The following SPIRE1 variants were observed in gnomAD, a reference collection of about 807,000 sequenced individuals.
SPIRE1 encodes spire type actin nucleation factor 1.
SPIRE1 carries 40 observed loss-of-function variants against 94.1 expected under a neutral mutation model. The observed-to-expected ratio is 0.43, with a 90% CI of 0.33 to 0.55. SPIRE1 has a LOEUF of 0.55. SPIRE1 is among the 20% of genes least tolerant of loss of function. The probability of loss-of-function intolerance (pLI) is 0.06; values close to 1 mark genes in which losing one functional copy is unlikely to be tolerated. For missense variants in SPIRE1, 838 were observed against 975.2 expected, an observed-to-expected ratio of 0.86 and a Z score of 1.87; for synonymous variants, 376 against 371.7, an observed-to-expected ratio of 1.01 and a Z score of -0.13.
chr18:12,608,402 T>C (rs569639715), intron 2 of SPIRE1, among the ~76,000 whole-genome samples: 1 of 152,280 alleles, frequency 6.6e-6, no homozygotes, highest in African/African-American at 2.4e-5. Context: ...ATTCTATCCG[T>C]TTGTTTCTAG....
chr18:12,622,421 C>CTT lies in SPIRE1; in HGVS notation c.372+12639_372+12640dup, dbSNP rs71371281. Among the ~76,000 whole-genome samples, 68 of 114,848 alleles carry CTT rather than the reference C, an allele frequency of 5.9e-4. 5 individuals carry two copies. Among genetic ancestry groups the CTT allele is most frequent in the African/African-American group, 1.5e-3 (49 of 32,220 alleles). The allele number at this position is 114,848 out of a possible 152,430, so 75.3% of individuals were successfully genotyped here. ...AAGGGAAAACGGAGCTATGTCCAGT[C>CTT]TTTTTTTTTTTTTTTTTTTGAGACA... is the stretch of plus-strand genomic sequence containing the variant. On this transcript the variant is annotated intron_variant, in intron 2 of 16. Coordinates refer to ENST00000409402, the MANE Select transcript of SPIRE1 (RefSeq NM_001128626.2).
intron 5 of SPIRE1, among the ~76,000 whole-genome samples, chr18:12,508,836 A>G (rs1237392474): frequency 3.9e-5 from 6 of 152,030 alleles, no homozygotes; most frequent in African/African-American, 1.2e-4. Context: ...CACTATGCCA[A>G]GCTAATTTTT....
chr18:12,536,337 C>T (rs1436250877), intron 3 of SPIRE1, among the ~76,000 whole-genome samples: 1 of 152,106 alleles, frequency 6.6e-6, no homozygotes, highest in East Asian at 1.9e-4. Flanking sequence ...CAATGTACTG[C>T]TGAATTATCC....
chr18:12,606,810 T>C (rs9948505), intron 2 of SPIRE1, among the ~76,000 whole-genome samples: 85,027 of 152,066 alleles, frequency 0.56, 24,966 homozygotes, highest in Middle Eastern at 0.76. Context: ...GGATTACAGG[T>C]GTGAGCCATC....
intron 8 of SPIRE1, among the ~76,000 whole-genome samples, chr18:12,490,267 T>C (rs2033185514): frequency 6.6e-6 from 1 of 152,122 alleles, no homozygotes; most frequent in Non-Finnish European, 1.5e-5. Context: ...CATTAGCAAC[T>C]ACATATAATT....
intron 8 of SPIRE1, among the ~76,000 whole-genome samples, chr18:12,491,655 G>A (rs925163965): frequency 6.6e-5 from 10 of 152,098 alleles, no homozygotes; most frequent in African/African-American, 2.4e-4. Flanking sequence ...CAACCCATGA[G>A]AGTACTCTGT....
chr18:12,650,663 T>C (rs1749548444), intron 1 of SPIRE1, among the ~76,000 whole-genome samples: 1 of 132,604 alleles, frequency 7.5e-6, no homozygotes, highest in African/African-American at 3.0e-5. Flanking sequence ...TAAGCCAAGA[T>C]CACGCCGCTG....
At chr18:12,567,995 C>T (rs926781584) in intron 2 of SPIRE1, among the ~76,000 whole-genome samples, 1 of 152,176 alleles carries the variant, frequency 6.6e-6, no homozygotes, top group East Asian at 1.9e-4. Context: ...TCATGTCTGC[C>T]TTGCCTTTGG....
At chr18:12,546,001 T>G (rs911130967) in intron 3 of SPIRE1, among the ~76,000 whole-genome samples, 1 of 152,128 alleles carries the variant, frequency 6.6e-6, no homozygotes, top group African/African-American at 2.4e-5. Context: ...TTATTATTAT[T>G]ATTATTGAGA....
In SPIRE1 at chr18:12,487,662, G is replaced by C. The variant is rs8085567; in HGVS notation, c.1190-1662C>G. Among the ~76,000 whole-genome samples, 791 of 152,172 alleles carry C rather than the reference G, an allele frequency of 5.2e-3. 4 individuals are homozygous for C. Among genetic ancestry groups the C allele is most frequent in the African/African-American group, 0.018 (752 of 41,528 alleles). ...CCGCCTCGGCCTCCCAAAGTGCTAG[G>C]ATTACAGGCGTGAGCTACTGTGCCT... On this transcript the variant is annotated intron_variant, in intron 8 of 16. Coordinates refer to ENST00000409402, the MANE Select transcript of SPIRE1 (RefSeq NM_001128626.2).
At chr18:12,630,456 C>T (rs1308216149) in intron 2 of SPIRE1, among the ~76,000 whole-genome samples, 1 of 152,094 alleles carries the variant, frequency 6.6e-6, no homozygotes, top group Non-Finnish European at 1.5e-5. Flanking sequence ...GTTCCGAGTT[C>T]GAGACCAGCC....
intron 16 of SPIRE1, among the ~76,000 whole-genome samples, chr18:12,451,515 G>A (rs1028352593): frequency 1.3e-5 from 2 of 152,188 alleles, no homozygotes; most frequent in Admixed American, 1.3e-4. Context: ...TATGTGCACT[G>A]CCTTGAGCTC....
chr18:12,591,872 T>C (rs904788995), intron 2 of SPIRE1, among the ~76,000 whole-genome samples: 3 of 145,418 alleles, frequency 2.1e-5, no homozygotes, highest in Admixed American at 1.5e-4. Flanking sequence ...GGGAGGCTGA[T>C]GCAGGAGAAT....
chr18:12,524,150 A>G (rs1276696536), intron 4 of SPIRE1, among the ~76,000 whole-genome samples: 1 of 152,224 alleles, frequency 6.6e-6, no homozygotes, highest in African/African-American at 2.4e-5. Context: ...CTCTATATGT[A>G]TTGGATTATA....
chr18:12,449,635 G>A lies in SPIRE1; in HGVS notation c.*3C>T, dbSNP rs776751356. ...GCACAAAAGCAGCTGAAAGGCACGAGGCTCAGATCTCACTGATCGTCCTCT... is the reference window on the plus strand; with the variant it reads ...GCACAAAAGCAGCTGAAAGGCACGAAGCTCAGATCTCACTGATCGTCCTCT... On this transcript the variant is annotated 3_prime_UTR_variant, in exon 17 of 17. Coordinates refer to ENST00000409402, the MANE Select transcript of SPIRE1 (RefSeq NM_001128626.2). 1 of 1,612,468 alleles carries A rather than the reference G, an allele frequency of 6.2e-7. No individual in the cohort carries two copies. The highest frequency in any genetic ancestry group is 8.5e-7 in the Non-Finnish European group (1 of 1,178,694).
intron 2 of SPIRE1, among the ~76,000 whole-genome samples, chr18:12,577,234 G>T (rs926475134): frequency 7.1e-6 from 1 of 140,998 alleles, no homozygotes; most frequent in African/African-American, 2.4e-5. Context: ...TGCAAGCTCC[G>T]CCTCCCAGGG....
chr18:12,512,823 A>C (rs1218204498), intron 4 of SPIRE1, among the ~76,000 whole-genome samples: 5 of 148,666 alleles, frequency 3.4e-5, no homozygotes, highest in African/African-American at 1.2e-4. Context: ...CATCTCTACT[A>C]CAAATCCATT....
At chr18:12,658,449 C>T, upstream of SPIRE1, 1 of 418,018 alleles carries the variant, frequency 2.4e-6, no homozygotes, top group Non-Finnish European at 5.0e-6. Context: ...TCGGGGGGCG[C>T]AGGGGCAAGA....
At chr18:12,508,992 T>C (rs2033935423) in intron 5 of SPIRE1, among the ~76,000 whole-genome samples, 1 of 152,172 alleles carries the variant, frequency 6.6e-6, no homozygotes, top group Non-Finnish European at 1.5e-5. Context: ...TGTTACATAG[T>C]CGGTTTTGTG....
Sources: allele counts gnomAD v4.1 joint callset (sites outside exome capture counted in the v4.1 genomes callset), GRCh38; gene constraint gnomAD v4.1.1; transcripts MANE v1.5; gene names NCBI Gene and HGNC (gene_info 2026-07-23, HGNC 2026-07-21).